The following PTPRA variants were observed in gnomAD, a reference collection of about 807,000 sequenced individuals.
The protein encoded by PTPRA is receptor-type tyrosine-protein phosphatase alpha.
A neutral mutation model predicts 104.8 loss-of-function variants in PTPRA; 25 were observed. The observed-to-expected ratio is 0.24, with a 90% CI of 0.17 to 0.33. The LOEUF (loss-of-function observed/expected upper bound fraction) is 0.33. Among genes scored for constraint, PTPRA ranks in the 10% least tolerant of loss-of-function variants. The pLI is 1.00. For missense variants in PTPRA, 765 were observed against 1,015.3 expected (o/e 0.75, Z 3.35); for synonymous variants, 323 against 368.9 (o/e 0.88, Z 1.43).
At chr20:2,946,361 T>C (rs765134980) in intron 2 of PTPRA, among the ~76,000 whole-genome samples, 1 of 152,130 alleles carries the variant, frequency 6.6e-6, no homozygotes, top group Non-Finnish European at 1.5e-5. Context: ...TGTAGCTCTG[T>C]AGTTTTGGAC....
chr20:2,891,077 C>T (rs1012876400), intron 1 of PTPRA, among the ~76,000 whole-genome samples: 1 of 152,152 alleles, frequency 6.6e-6, no homozygotes, highest in Non-Finnish European at 1.5e-5. Context: ...AACACAGTGA[C>T]CCAAACTGGA....
chr20:2,946,649 A>T (rs1021896291), intron 2 of PTPRA, among the ~76,000 whole-genome samples: 4 of 152,136 alleles, frequency 2.6e-5, no homozygotes, highest in Admixed American at 6.5e-5. Flanking sequence ...GGAGTTTGAC[A>T]CCAGCCTGAC....
At chr20:2,885,855 G>A (rs896228123) in intron 1 of PTPRA, among the ~76,000 whole-genome samples, 1 of 152,006 alleles carries the variant, frequency 6.6e-6, no homozygotes, top group African/African-American at 2.4e-5. Flanking sequence ...CATGAGGTCA[G>A]GAGTTCGAGA....
At chr20:2,934,669 CTTT>C (rs756152103) in intron 2 of PTPRA, among the ~76,000 whole-genome samples, 1 of 127,200 alleles carries the variant, frequency 7.9e-6, no homozygotes, top group African/African-American at 3.0e-5. Flanking sequence ...CAATTAGAAC[CTTT>C]TTTTTTTTTT....
Position 3,022,649 on chromosome 20 carries a change from AG to A in PTPRA, c.1329-38del. The A allele has an allele frequency of 6.2e-7, 1 of 1,611,752 alleles. No individual in the cohort carries two copies. Among genetic ancestry groups the A allele is most frequent in the Non-Finnish European group, 8.5e-7 (1 of 1,178,314 alleles). On this transcript the variant is annotated intron_variant, in intron 15 of 23. Coordinates refer to ENST00000399903, the MANE Select transcript of PTPRA (RefSeq NM_001385305.1). The surrounding 1 kb of genome is among the most constrained non-coding windows in gnomAD (Gnocchi z 4.6). ...CCCTCCCTATCTGCTCCCACAAGGCAGGCTGGCCATCCCTATAACCCCCTGC... is the reference window on the plus strand; with the variant it reads ...CCCTCCCTATCTGCTCCCACAAGGCAGCTGGCCATCCCTATAACCCCCTGC...
chr20:2,893,611 A>G (rs2058882587), intron 1 of PTPRA, among the ~76,000 whole-genome samples: 1 of 152,170 alleles, frequency 6.6e-6, no homozygotes, highest in Non-Finnish European at 1.5e-5. Context: ...CCAAAATGGT[A>G]TATGGATCTG....
At chr20:2,946,555 A>G (rs1034351184) in intron 2 of PTPRA, among the ~76,000 whole-genome samples, 1 of 152,190 alleles carries the variant, frequency 6.6e-6, no homozygotes, top group Non-Finnish European at 1.5e-5. Flanking sequence ...TTCTCTGTTT[A>G]AAAGAAAGAG....
At chr20:3,014,568 C>T (rs889721480) in intron 11 of PTPRA, among the ~76,000 whole-genome samples, 5 of 151,888 alleles carry the variant, frequency 3.3e-5, no homozygotes, top group South Asian at 2.1e-4. Flanking sequence ...CACTTGAACC[C>T]GGGAGCAGAA....
At chr20:3,004,946 C>G in intron 9 of PTPRA, 110 bp from the exon 10 acceptor site, 1 of 949,774 alleles carries the variant, frequency 1.1e-6, no homozygotes, top group Non-Finnish European at 1.6e-6. Context: ...CCATGTTTTT[C>G]CCCCCAGGAA....
chr20:2,946,385 CTTCATTCACAACAAAACAGAA>C (rs2061131530), intron 2 of PTPRA, among the ~76,000 whole-genome samples: 1 of 152,040 alleles, frequency 6.6e-6, no homozygotes, highest in African/African-American at 2.4e-5. Flanking sequence ...TTACCTAATT[CTTCATTCACAACAAAACAGAA>C]GGAGAGAGGA....
At chr20:2,900,789 A>G (rs965226549) in intron 1 of PTPRA, among the ~76,000 whole-genome samples, 4 of 149,678 alleles carry the variant, frequency 2.7e-5, no homozygotes, top group African/African-American at 7.3e-5. Context: ...CTCAGGAGGC[A>G]TAGGTTGCAG....
chr20:2,865,370 C>T, the PTPRA span: 1 of 1,613,842 alleles, frequency 6.2e-7, no homozygotes, highest in Non-Finnish European at 8.5e-7. This position sits in a 1 kb window ranked among gnomAD's most constrained non-coding sequence, Gnocchi z 5.2. Flanking sequence ...GCCTCTCCTG[C>T]AACACCTCCA....
intron 1 of PTPRA, among the ~76,000 whole-genome samples, chr20:2,913,987 A>T (rs1019521353): frequency 4.6e-5 from 7 of 152,188 alleles, no homozygotes; most frequent in African/African-American, 1.7e-4. Context: ...CATTTCATTG[A>T]AAGGAAAAAC....
intron 13 of PTPRA, among the ~76,000 whole-genome samples, chr20:3,020,342 C>T (rs1315733939): frequency 4.6e-5 from 7 of 152,078 alleles, no homozygotes; most frequent in Non-Finnish European, 7.4e-5. Flanking sequence ...TCGTGATCCA[C>T]CCACCTCGGC....
chr20:2,962,132 T>C (rs2061777628), intron 3 of PTPRA, among the ~76,000 whole-genome samples: 1 of 152,226 alleles, frequency 6.6e-6, no homozygotes, highest in Non-Finnish European at 1.5e-5. Flanking sequence ...CAAAATAACT[T>C]GCTGAGATTA....
chr20:2,958,718 G>A (rs938914572), intron 3 of PTPRA, among the ~76,000 whole-genome samples: 5 of 144,858 alleles, frequency 3.5e-5, no homozygotes, highest in South Asian at 2.4e-4. Flanking sequence ...ATGGTGGCAC[G>A]CGCCTGTAAT....
At chr20:2,947,632 C>T (rs2061184857) in intron 2 of PTPRA, among the ~76,000 whole-genome samples, 2 of 152,196 alleles carry the variant, frequency 1.3e-5, no homozygotes, top group African/African-American at 2.4e-5. Context: ...TACCCTCCCC[C>T]ATGCTTGTCT....
chr20:3,021,640 T>A (rs1355606715), intron 14 of PTPRA, among the ~76,000 whole-genome samples: 1 of 152,152 alleles, frequency 6.6e-6, no homozygotes, highest in Non-Finnish European at 1.5e-5. Context: ...TGAGATGAAG[T>A]CTGATCATTT....
chr20:2,896,453 G>A (rs1190194628), intron 1 of PTPRA, among the ~76,000 whole-genome samples: 1 of 152,144 alleles, frequency 6.6e-6, no homozygotes, highest in African/African-American at 2.4e-5. Context: ...CAGTCCTTTG[G>A]AAATTGTTGG....
Sources: gnomAD v4.1 joint callset for allele counts (sites outside exome capture counted in the v4.1 genomes callset) on GRCh38, gnomAD v4.1.1 for gene constraint, Gnocchi (gnomAD v3.1) non-coding constraint, MANE v1.5 for transcripts, NCBI Gene and HGNC (gene_info 2026-07-23, HGNC 2026-07-21) for gene names.